ALK: variants seen among roughly 807,000 people sequenced by gnomAD.
ALK encodes ALK receptor tyrosine kinase, also known as ALK tyrosine kinase receptor.
In ALK, 74 loss-of-function variants were observed where a neutral mutation model predicts 163.1. The ratio of observed to expected loss-of-function variants is 0.45; its 90% CI spans 0.38 to 0.55. The LOEUF (loss-of-function observed/expected upper bound fraction) is 0.55. Among genes scored for constraint, ALK ranks in the 20% least tolerant of loss-of-function variants. The pLI is 0.00. For synonymous variants in ALK, 960 were observed against 843.2 expected, an observed-to-expected ratio of 1.14 and a Z score of -2.40; for missense variants, 2,063 against 2,105.3, an observed-to-expected ratio of 0.98 and a Z score of 0.39.
chr2:29,743,183 A>G (rs1267094391), intron 1 of ALK, among the ~76,000 whole-genome samples: 19 of 152,202 alleles, frequency 1.2e-4, no homozygotes, highest in Admixed American at 6.5e-5. Flanking sequence ...ATTTTTCCAT[A>G]TTGATAATGC....
chr2:29,342,834 C>T (rs1043073328), intron 5 of ALK, among the ~76,000 whole-genome samples: 5 of 149,522 alleles, frequency 3.3e-5, no homozygotes, highest in African/African-American at 9.9e-5. Flanking sequence ...CTGGCAGTGA[C>T]GAAGCCTCTG....
chr2:29,582,501 T>C (rs942324050), intron 3 of ALK, among the ~76,000 whole-genome samples: 1 of 152,220 alleles, frequency 6.6e-6, no homozygotes, highest in Non-Finnish European at 1.5e-5. Flanking sequence ...TCAGATACCA[T>C]GTCCTGGACA....
At chr2:29,357,667 G>A (rs1319554617) in intron 5 of ALK, among the ~76,000 whole-genome samples, 1 of 152,146 alleles carries the variant, frequency 6.6e-6, no homozygotes, top group Non-Finnish European at 1.5e-5. Context: ...GAATATTCCT[G>A]GTCTCCCATG....
intron 3 of ALK, among the ~76,000 whole-genome samples, chr2:29,564,474 C>CT (rs919677462): frequency 4.6e-5 from 7 of 151,304 alleles, no homozygotes; most frequent in African/African-American, 1.7e-4. Flanking sequence ...AGAAGACTCT[C>CT]TTCCTAGCTA....
intron 25 of ALK, among the ~76,000 whole-genome samples, chr2:29,209,396 G>T (rs531494572): frequency 4.1e-4 from 63 of 152,142 alleles, no homozygotes; most frequent in Admixed American, 5.9e-4. Context: ...CAAAAAATTA[G>T]CCAGGCATGG....
intron 11 of ALK, among the ~76,000 whole-genome samples, chr2:29,268,636 C>A (rs1381270724): frequency 1.3e-5 from 2 of 152,160 alleles, no homozygotes; most frequent in Non-Finnish European, 2.9e-5. Flanking sequence ...CTGCATTGGG[C>A]GCTGAGTTGA....
At chr2:29,813,105 G>A (rs888217115) in intron 1 of ALK, among the ~76,000 whole-genome samples, 1 of 152,166 alleles carries the variant, frequency 6.6e-6, no homozygotes, top group Non-Finnish European at 1.5e-5. Context: ...ATTTCTAGAT[G>A]AAGACACCAT....
At position 29,320,815 on chromosome 2, in the gene ALK, C is replaced by A. The variant is rs1573227401; in HGVS notation, c.1482G>T (p.Leu494=). ...CCTGCCATTGAGGAGTGTGGGGTGA[C>A]AGTGTGCCTTGGGTCCAGCCACAGA... ...DGFCGWTQGT[L]SPHTPQWQVR... Residue 494 remains leucine (L), a synonymous_variant, in exon 7 of 29, where the codon CTG becomes CTT. Coordinates refer to ENST00000389048, the MANE Select transcript of ALK (RefSeq NM_004304.5). 6.2e-7 allele frequency: 1 copy of A among 1,614,124 alleles called. No individual in the cohort carries two copies. Among genetic ancestry groups the A allele is most frequent in the African/African-American group, 1.3e-5 (1 of 75,024 alleles).
intron 4 of ALK, among the ~76,000 whole-genome samples, chr2:29,415,438 T>G (rs949342254): frequency 6.6e-6 from 1 of 152,076 alleles, no homozygotes; most frequent in Non-Finnish European, 1.5e-5. Context: ...GAAGCTCTAT[T>G]TGGTCACCTA....
intron 23 of ALK, among the ~76,000 whole-genome samples, chr2:29,219,888 C>T (rs1669755200): frequency 6.6e-6 from 1 of 152,196 alleles, no homozygotes; most frequent in African/African-American, 2.4e-5. Context: ...GTGTGTAGCA[C>T]CTTCCTAAAT....
rs543584050 is a variant in ALK, at chr2:29,764,193, G to A, written c.668-46496C>T. ...CATGGCATTCATTACATGTGTCCAA[G>A]GGTCAGGCTGAGGCCCTGGGTTGAC... is the stretch of plus-strand genomic sequence containing the variant. On this transcript the variant is annotated intron_variant, in intron 1 of 28. Transcript: ENST00000389048. 2.5e-4 allele frequency among the ~76,000 whole-genome samples: 38 copies of A among 152,298 alleles called. No homozygotes were observed. The East Asian group carries it at 7.1e-3, about 29-fold the overall frequency.
At chr2:29,797,121 ACT>A in intron 1 of ALK, among the ~76,000 whole-genome samples, 1 of 152,234 alleles carries the variant, frequency 6.6e-6, no homozygotes, top group East Asian at 1.9e-4. Context: ...AACAAACAAT[ACT>A]ATCCTAGCAA....
chr2:29,253,960 T>C (rs1040953826), intron 11 of ALK, among the ~76,000 whole-genome samples: 1 of 152,118 alleles, frequency 6.6e-6, no homozygotes, highest in East Asian at 1.9e-4. Context: ...TTCCCATAAT[T>C]CCCATGTGTC....
chr2:29,468,066 T>C (rs1466921788), intron 4 of ALK, among the ~76,000 whole-genome samples: 1 of 152,088 alleles, frequency 6.6e-6, no homozygotes, highest in Admixed American at 6.5e-5. Flanking sequence ...AGTCTTGCTC[T>C]GTTGCCCAGG....
Position 29,776,225 on chromosome 2 carries a change from TA to T in ALK, c.668-58529del, listed in dbSNP as rs58918857. Among the ~76,000 whole-genome samples the T allele has an allele frequency of 3.6e-3, 466 of 131,158 alleles. 1 individual carries two copies. Among genetic ancestry groups the T allele is most frequent in the African/African-American group, 0.013 (433 of 33,578 alleles). 86.0% of individuals were successfully genotyped at this position (131,158 alleles called of 152,430 possible). Reference sequence around the variant, plus strand: ...CTAAGAAAATGCAATGGAATTTTGTTAAAAAAAAAAAAAAAAAAAAAAAAAG... The same window carrying T: ...CTAAGAAAATGCAATGGAATTTTGTTAAAAAAAAAAAAAAAAAAAAAAAAG... On this transcript the variant is annotated intron_variant, in intron 1 of 28. Coordinates refer to ENST00000389048, the MANE Select transcript of ALK (RefSeq NM_004304.5).
chr2:29,471,003 T>C (rs1671334448), intron 4 of ALK, among the ~76,000 whole-genome samples: 2 of 152,150 alleles, frequency 1.3e-5, no homozygotes, highest in Admixed American at 1.3e-4. Flanking sequence ...ATTTAAGATA[T>C]ACTCTAATGG....
intron 1 of ALK, among the ~76,000 whole-genome samples, chr2:29,765,038 A>G (rs1470807824): frequency 1.3e-5 from 2 of 152,146 alleles, no homozygotes; most frequent in South Asian, 2.1e-4. Context: ...CTCTGGCCAC[A>G]TATGACGTGC....
chr2:29,441,776 T>C (rs1022217998), intron 4 of ALK, among the ~76,000 whole-genome samples: 1 of 152,244 alleles, frequency 6.6e-6, no homozygotes, highest in East Asian at 1.9e-4. Flanking sequence ...GGAGCAACAA[T>C]GTCTTTCCAA....
chr2:29,613,873 G>A (rs931614370), intron 3 of ALK, among the ~76,000 whole-genome samples: 2 of 152,166 alleles, frequency 1.3e-5, no homozygotes, highest in Non-Finnish European at 2.9e-5. Context: ...TTTTCCCTCT[G>A]GCTAAGTAGA....
Sources: allele counts gnomAD v4.1 joint callset (sites outside exome capture counted in the v4.1 genomes callset), GRCh38; gene constraint gnomAD v4.1.1; transcripts MANE v1.5; gene names NCBI Gene and HGNC (gene_info 2026-07-23, HGNC 2026-07-21).